The following POMT2 variants were observed in gnomAD, a reference collection of about 807,000 sequenced individuals.
The protein encoded by POMT2 is protein O-mannosyltransferase 2.
POMT2 carries 75 observed loss-of-function variants against 100.0 expected under a neutral mutation model. The ratio of observed to expected loss-of-function variants is 0.75; its 90% CI spans 0.62 to 0.91. The LOEUF (loss-of-function observed/expected upper bound fraction) is 0.91. POMT2 is among the 40% of genes least tolerant of loss of function. The pLI is 0.00. For synonymous variants in POMT2, 378 were observed against 374.1 expected, an observed-to-expected ratio of 1.01 and a Z score of -0.12; for missense variants, 940 against 955.1, an observed-to-expected ratio of 0.98 and a Z score of 0.21.
At chr14:77,304,492 T>G (rs1197812936) in intron 4 of POMT2, among the ~76,000 whole-genome samples, 200 bp downstream of exon 4, 1 of 152,224 alleles carries the variant, frequency 6.6e-6, no homozygotes, top group Non-Finnish European at 1.5e-5. Flanking sequence ...TCCCCTCCAA[T>G]AATATAAAGG....
chr14:77,298,540 C>T (rs1313060341), intron 8 of POMT2, 149 bp downstream of exon 8: 8 of 830,502 alleles, frequency 9.6e-6, no homozygotes, highest in East Asian at 5.3e-5. Flanking sequence ...GATTCACTCT[C>T]GAGTATTTTC....
chr14:77,300,382 T>C (rs1007149956), intron 6 of POMT2: 1 of 154,828 alleles, frequency 6.5e-6, no homozygotes, highest in Non-Finnish European at 1.4e-5. Flanking sequence ...CCCTACCTCA[T>C]AGGACTATTA....
intron 5 of POMT2, among the ~76,000 whole-genome samples, chr14:77,301,984 C>T (rs917464971): frequency 9.2e-5 from 14 of 152,246 alleles, no homozygotes; most frequent in Admixed American, 2.6e-4. Flanking sequence ...TCCAGCTCCC[C>T]GCATAGTACC....
chr14:77,286,866 G>A (rs370573582), intron 11 of POMT2, 44 bp from the exon 12 acceptor site: 3 of 1,613,648 alleles, frequency 1.9e-6, no homozygotes, highest in Non-Finnish European at 2.5e-6. Context: ...ATAGAAAGAT[G>A]ATGTGCAACA....
intron 3 of POMT2, among the ~76,000 whole-genome samples, 189 bp from the exon 4 acceptor site, chr14:77,304,989 T>C (rs1480466388): frequency 6.6e-6 from 1 of 152,124 alleles, no homozygotes; most frequent in Admixed American, 6.5e-5. Flanking sequence ...TCAAGCAATA[T>C]ATATGTTCCC....
intron 11 of POMT2, 23 bp downstream of exon 11, chr14:77,288,739 A>G: frequency 1.2e-6 from 2 of 1,606,750 alleles, no homozygotes; most frequent in Non-Finnish European, 1.7e-6. Context: ...CCATTTATTT[A>G]TCCAAACTGC....
At chr14:77,301,500 T>A (rs1167629952) in intron 5 of POMT2, among the ~76,000 whole-genome samples, 1 of 152,084 alleles carries the variant, frequency 6.6e-6, no homozygotes, top group Admixed American at 6.5e-5. Flanking sequence ...TGCTCCTGGC[T>A]AAGTACAGGG....
intron 8 of POMT2, among the ~76,000 whole-genome samples, chr14:77,296,870 C>T (rs1047580884): frequency 6.6e-6 from 1 of 152,192 alleles, no homozygotes; most frequent in Non-Finnish European, 1.5e-5. Context: ...ATGACCTGCT[C>T]CTGTTTTTCT....
At position 77,296,182 on chromosome 14, in the gene POMT2, A is replaced by G; in HGVS notation, c.1098T>C (p.Ile366=). 1 of 1,605,358 alleles carries G rather than the reference A, an allele frequency of 6.2e-7. No individual in the cohort carries two copies. The highest frequency in any genetic ancestry group is 8.5e-7 in the Non-Finnish European group (1 of 1,176,476). ...HSHRHLYPEG[I]GARQQQVTTY... ...CACTGACCTGCTGCTGACGGGCACC[A>G]ATGCCCTCGGGGTAGAGGTGCCTGT... The change falls in exon 9 of 21, where the codon ATT becomes ATC. Residue 366 remains isoleucine (I), a synonymous_variant. Transcript: ENST00000261534.
rs794727127 is a variant in POMT2, at chr14:77,285,045, T to G, written c.1485-4A>C. ...AACTTCCAACTGCTCCCAGCCCCTG[T>G]GAAAAGCAGAAGTCACAGATGTCTC... On this transcript the variant is annotated splice_region_variant and splice_polypyrimidine_tract_variant and intron_variant, in intron 13 of 20. Coordinates refer to ENST00000261534, the MANE Select transcript of POMT2 (RefSeq NM_013382.7). 131 of 1,604,604 alleles carry G rather than the reference T, an allele frequency of 8.2e-5. No individual in the cohort carries two copies. Among genetic ancestry groups the G allele is most frequent in the Non-Finnish European group, 1.1e-4 (130 of 1,171,534 alleles).
rs1244928638 is a variant in POMT2, at chr14:77,277,188, C to A, written c.*188G>T. 7 of 622,756 alleles carry A rather than the reference C, an allele frequency of 1.1e-5. No individual in the cohort carries two copies. The highest frequency in any genetic ancestry group is 1.7e-5 in the Non-Finnish European group (6 of 343,600). 38.6% of individuals were successfully genotyped at this position (622,756 alleles called of 1,614,324 possible). A position where few individuals can be genotyped will look rare whatever the true frequency, so the allele number is the denominator to read the frequency against. Reference sequence around the variant, plus strand: ...CTCCGTGGTGCTGTGGACGGAGCTGCGGCTCTCTCCCGGCTCTCTCCAATG... The same window carrying A: ...CTCCGTGGTGCTGTGGACGGAGCTGAGGCTCTCTCCCGGCTCTCTCCAATG... On this transcript the variant is annotated 3_prime_UTR_variant, in exon 21 of 21. Coordinates refer to ENST00000261534, the MANE Select transcript of POMT2 (RefSeq NM_013382.7).
chr14:77,302,769 C>T (rs1891089309), intron 5 of POMT2, 66 bp downstream of exon 5: 1 of 1,353,804 alleles, frequency 7.4e-7, no homozygotes, highest in Non-Finnish European at 1.0e-6. Context: ...CTGGCCCTGG[C>T]CATTACAGAA....
chr14:77,306,672 A>AGGAACAGCACAACCTAAACAC (rs1395552776), intron 2 of POMT2: 6 of 448,916 alleles, frequency 1.3e-5, no homozygotes, highest in African/African-American at 4.0e-5. Flanking sequence ...GCCGAGGTCT[A>AGGAACAGCACAACCTAAACAC]GGAACAGCAC....
In POMT2 at chr14:77,286,730, C is replaced by A. The variant is rs750144868; in HGVS notation, c.1332+14G>T. On this transcript the variant is annotated intron_variant, in intron 12 of 20. Transcript: ENST00000261534. ...AACTTTTACGTCCTACTCACATCCC[C>A]GTTGCTTACTTACTATGCCATAGCC... 1 of 1,614,128 alleles carries A rather than the reference C, an allele frequency of 6.2e-7. No individual in the cohort carries two copies. The highest frequency in any genetic ancestry group is 8.5e-7 in the Non-Finnish European group (1 of 1,180,004).
intron 1 of POMT2, chr14:77,312,781 T>C (rs1183337802): frequency 6.6e-6 from 1 of 152,268 alleles, no homozygotes; most frequent in Non-Finnish European, 1.5e-5. Flanking sequence ...ATTACGACGC[T>C]GTTGGGCTGC....
chr14:77,302,964 GGT>G (rs1244767167), intron 4 of POMT2, 21 bp from the exon 5 acceptor site: 3 of 1,578,986 alleles, frequency 1.9e-6, no homozygotes, highest in African/African-American at 1.3e-5. Context: ...TGAGCTCGCT[GGT>G]GAAAAAGCGA....
intron 3 of POMT2, 82 bp from the exon 4 acceptor site, chr14:77,304,882 A>C: frequency 6.5e-7 from 1 of 1,538,698 alleles, no homozygotes; most frequent in Non-Finnish European, 8.8e-7. Context: ...CCTAACATTT[A>C]AGACAGGGGA....
At chr14:77,301,988 T>C (rs1891061229) in intron 5 of POMT2, among the ~76,000 whole-genome samples, 1 of 152,160 alleles carries the variant, frequency 6.6e-6, no homozygotes, top group South Asian at 2.1e-4. Flanking sequence ...GCTCCCCGCA[T>C]AGTACCTGGT....
At chr14:77,294,222 A>C (rs558424917) in intron 9 of POMT2, among the ~76,000 whole-genome samples, 1 of 152,230 alleles carries the variant, frequency 6.6e-6, no homozygotes, top group African/African-American at 2.4e-5. Context: ...TCCCCACCCA[A>C]TTCTCATCTT....
Sources: gnomAD v4.1 joint callset for allele counts (sites outside exome capture counted in the v4.1 genomes callset) on GRCh38, gnomAD v4.1.1 for gene constraint, MANE v1.5 for transcripts, NCBI Gene and HGNC (gene_info 2026-07-23, HGNC 2026-07-21) for gene names.